MGAT5: variants seen among roughly 807,000 people sequenced by gnomAD.
MGAT5 encodes alpha-1,6-mannosylglycoprotein 6-beta-N-acetylglucosaminyltransferase A.
MGAT5 carries 30 observed loss-of-function variants against 94.3 expected under a neutral mutation model. That is an observed-to-expected ratio of 0.32 (90% CI 0.24 to 0.43). The LOEUF is 0.43. MGAT5 is among the 20% of genes least tolerant of loss of function. The pLI is 1.00. For synonymous variants in MGAT5, 310 were observed against 322.9 expected (o/e 0.96, Z 0.43); for missense variants, 691 against 905.5 (o/e 0.76, Z 3.04).
In MGAT5 at chr2:134,452,096, A is replaced by T; in HGVS notation, c.*3249A>T. The T allele has an allele frequency of 6.6e-6, 1 of 152,294 alleles. No individual in the cohort carries two copies. Among genetic ancestry groups the T allele is most frequent in the Non-Finnish European group, 1.5e-5 (1 of 68,044 alleles). 9.4% of individuals were successfully genotyped at this position (152,294 alleles called of 1,614,324 possible). On this transcript the variant is annotated 3_prime_UTR_variant, in exon 16 of 16. Coordinates refer to ENST00000281923, the MANE Select transcript of MGAT5 (RefSeq NM_002410.5). ...GACTCCTCCAGCTAAGAGACAGGAC[A>T]TGTTCTTGAGCCACTGTAGCTGTTG...
At position 134,448,887 on chromosome 2, in the gene MGAT5, A is replaced by T; in HGVS notation, c.*40A>T. The T allele has an allele frequency of 6.3e-7, 1 of 1,587,366 alleles. No homozygotes were observed. The highest frequency in any genetic ancestry group is 8.6e-7 in the Non-Finnish European group (1 of 1,162,660). ...GCCCTGCACCATGCTGCTGGGGAAG[A>T]CAGTGGCCCCAGCCCCGTCAGGCAG... On this transcript the variant is annotated 3_prime_UTR_variant, in exon 16 of 16. Coordinates refer to ENST00000281923, the MANE Select transcript of MGAT5 (RefSeq NM_002410.5).
chr2:134,340,869 G>T lies in MGAT5; in HGVS notation c.808-721G>T, dbSNP rs759274872. 3.3e-5 allele frequency among the ~76,000 whole-genome samples: 5 copies of T among 152,092 alleles called. No individual in the cohort carries two copies. In the South Asian group the frequency reaches 1.0e-3, roughly 32 times the overall value. ...AAGAGACATATGAGGCAATTATTAC[G>T]TATGCTCTCTGACTCTTGAATCACA... On this transcript the variant is annotated intron_variant, in intron 6 of 15. Transcript: ENST00000281923.
chr2:134,158,758 C>A (rs1687594128), intron 1 of MGAT5, among the ~76,000 whole-genome samples: 1 of 152,200 alleles, frequency 6.6e-6, no homozygotes, highest in Non-Finnish European at 1.5e-5. Context: ...TATGGGCCCC[C>A]ACTGCCATCA....
upstream of MGAT5, among the ~76,000 whole-genome samples, chr2:134,253,995 TC>T (rs1421082786): frequency 6.6e-6 from 1 of 152,144 alleles, no homozygotes; most frequent in African/African-American, 2.4e-5. Flanking sequence ...AAAACAAACT[TC>T]CTGTTTTGAA....
At chr2:134,424,368 C>T (rs16830603) in intron 13 of MGAT5, among the ~76,000 whole-genome samples, 4,885 of 152,272 alleles carry the variant, frequency 0.032, 213 homozygotes, top group African/African-American at 0.1. Flanking sequence ...CTGTGCTCTA[C>T]CCGCTTCAAG....
At chr2:134,433,456 T>C (rs1450008666) in intron 14 of MGAT5, among the ~76,000 whole-genome samples, 1 of 152,098 alleles carries the variant, frequency 6.6e-6, no homozygotes, top group Non-Finnish European at 1.5e-5. Context: ...AAAGGTGAGT[T>C]TTTTGCTCAG....
At chr2:134,396,604 C>T (rs558847325) in intron 10 of MGAT5, among the ~76,000 whole-genome samples, 33 of 152,280 alleles carry the variant, frequency 2.2e-4, no homozygotes, top group African/African-American at 7.0e-4. Flanking sequence ...ACTTTAAGCT[C>T]GTTTGCTGGA....
chr2:134,150,092 G>C (rs759629083), intron 1 of MGAT5, among the ~76,000 whole-genome samples: 1 of 152,160 alleles, frequency 6.6e-6, no homozygotes, highest in Admixed American at 6.5e-5. Flanking sequence ...GAGAATGGGT[G>C]GGGGTGAGGC....
chr2:134,227,112 G>A (rs1573563298), intron 1 of MGAT5, among the ~76,000 whole-genome samples: 1 of 152,026 alleles, frequency 6.6e-6, no homozygotes, highest in Non-Finnish European at 1.5e-5. Flanking sequence ...ATCAATGAGT[G>A]TAACTGGTGT....
intron 2 of MGAT5, among the ~76,000 whole-genome samples, chr2:134,302,638 TA>T (rs1686088387): frequency 6.6e-6 from 1 of 151,802 alleles, no homozygotes; most frequent in Admixed American, 6.6e-5. Context: ...CTTTTTTTGG[TA>T]GGGGCTGGCA....
At chr2:134,320,522 T>C (rs1558788015) in intron 4 of MGAT5, among the ~76,000 whole-genome samples, 1 of 151,996 alleles carries the variant, frequency 6.6e-6, no homozygotes, top group East Asian at 1.9e-4. Context: ...TGGAGCAGAG[T>C]AGGCAGCTTT....
chr2:134,202,721 A>T (rs1213782064), intron 1 of MGAT5, among the ~76,000 whole-genome samples: 1 of 152,242 alleles, frequency 6.6e-6, no homozygotes, highest in Non-Finnish European at 1.5e-5. Flanking sequence ...ATCTTTTTAA[A>T]GACATTCTTT....
intron 2 of MGAT5, among the ~76,000 whole-genome samples, chr2:134,305,541 A>G (rs1226476636): frequency 2.6e-5 from 4 of 152,206 alleles, no homozygotes; most frequent in African/African-American, 4.8e-5. Flanking sequence ...ACAAATATAC[A>G]CACATAAACT....
At chr2:134,281,974 C>T (rs1414873690) in intron 2 of MGAT5, among the ~76,000 whole-genome samples, 1 of 152,208 alleles carries the variant, frequency 6.6e-6, no homozygotes, top group Non-Finnish European at 1.5e-5. Context: ...GGTTGAAACA[C>T]AGTGAACCTC....
intron 2 of MGAT5, among the ~76,000 whole-genome samples, chr2:134,312,907 A>T (rs566364392): frequency 6.6e-6 from 1 of 151,914 alleles, no homozygotes; most frequent in South Asian, 2.1e-4. Context: ...TCCCCCATCC[A>T]TTTCTTTTCC....
At chr2:134,306,289 C>T (rs1217870698) in intron 2 of MGAT5, among the ~76,000 whole-genome samples, 1 of 151,998 alleles carries the variant, frequency 6.6e-6, no homozygotes, top group Non-Finnish European at 1.5e-5. Flanking sequence ...CAGAGTTTTG[C>T]ATTAAAAAGC....
intron 1 of MGAT5, among the ~76,000 whole-genome samples, chr2:134,184,563 T>C (rs567353017): frequency 1.3e-5 from 2 of 152,340 alleles, no homozygotes; most frequent in South Asian, 2.1e-4. Context: ...ATGTTTCTTC[T>C]GTGTTCTTGC....
chr2:134,167,715 T>C (rs1015858710), intron 1 of MGAT5, among the ~76,000 whole-genome samples: 3 of 152,242 alleles, frequency 2.0e-5, no homozygotes, highest in Non-Finnish European at 4.4e-5. Flanking sequence ...AGGGAATCTG[T>C]TCTTTGTGAT....
chr2:134,175,652 C>G lies in MGAT5; in HGVS notation c.-143+55361C>G, dbSNP rs138199542. 3.0e-3 allele frequency among the ~76,000 whole-genome samples: 457 copies of G among 152,310 alleles called. 1 individual carries two copies. Among genetic ancestry groups the G allele is most frequent in the African/African-American group, 0.01 (418 of 41,554 alleles). ...CTGTGATGGGGTAATTCAGTGGGTC[C>G]CACTTGGCGGAGCTGATGCTGTCTC... On this transcript the variant is annotated intron_variant, in intron 1 of 16. Coordinates refer to the MGAT5 transcript ENST00000409645.
Sources: gnomAD v4.1 joint callset for allele counts (sites outside exome capture counted in the v4.1 genomes callset) on GRCh38, gnomAD v4.1.1 for gene constraint, MANE v1.5 for transcripts, NCBI Gene and HGNC (gene_info 2026-07-23, HGNC 2026-07-21) for gene names.